Variants in WDR70 observed in about 807,000 individuals in gnomAD.
WDR70 encodes the protein WD repeat-containing protein 70.
A neutral mutation model predicts 88.6 loss-of-function variants in WDR70; 53 were observed. That is an observed-to-expected ratio of 0.60 (90% CI 0.48 to 0.75). WDR70 has a LOEUF of 0.75. Ranked by LOEUF, WDR70 falls within the 30% of genes least tolerant of loss-of-function variation. WDR70 has a pLI of 0.00. For synonymous variants in WDR70, 280 were observed against 270.0 expected, an observed-to-expected ratio of 1.04 and a Z score of -0.36; for missense variants, 610 against 823.2, an observed-to-expected ratio of 0.74 and a Z score of 3.17.
At chr5:37,602,767 A>G (rs555320349) in intron 9 of WDR70, among the ~76,000 whole-genome samples, 1 of 152,162 alleles carries the variant, frequency 6.6e-6, no homozygotes, top group East Asian at 1.9e-4. Context: ...TCACAAGGTC[A>G]GGAGTTTGAG....
chr5:37,623,345 G>T (rs1408986979), intron 10 of WDR70, among the ~76,000 whole-genome samples: 1 of 152,008 alleles, frequency 6.6e-6, no homozygotes. Context: ...ATTGGTGATT[G>T]CAGTTTTCAT....
chr5:37,402,706 G>A lies in WDR70; in HGVS notation c.492+6136G>A, dbSNP rs1749233361. On this transcript the variant is annotated intron_variant, in intron 5 of 17. Coordinates refer to ENST00000265107, the MANE Select transcript of WDR70 (RefSeq NM_018034.4). ...ATATACAATAAGATTATTGTTAACT[G>A]TGGTCACCCTACTGATGTTTTGAAT... Among the ~76,000 whole-genome samples the A allele has an allele frequency of 2.0e-5, 3 of 152,054 alleles. No individual in the cohort carries two copies. The South Asian group carries it at 6.2e-4, about 32-fold the overall frequency.
chr5:37,429,248 G>A (rs1184427460), intron 5 of WDR70, among the ~76,000 whole-genome samples: 1 of 152,100 alleles, frequency 6.6e-6, no homozygotes, highest in African/African-American at 2.4e-5. Flanking sequence ...TAAATATTTT[G>A]GATAGAAGTA....
chr5:37,673,549 C>G (rs1026174951), intron 10 of WDR70, among the ~76,000 whole-genome samples: 1 of 149,522 alleles, frequency 6.7e-6, no homozygotes, highest in Non-Finnish European at 1.5e-5. Flanking sequence ...TTCTCTGCAA[C>G]TTCATGAGCG....
chr5:37,529,355 C>T (rs1741410300), intron 9 of WDR70, among the ~76,000 whole-genome samples: 1 of 151,854 alleles, frequency 6.6e-6, no homozygotes, highest in Non-Finnish European at 1.5e-5. Context: ...TAGTTCTGTG[C>T]AGAATCATGT....
intron 6 of WDR70, among the ~76,000 whole-genome samples, chr5:37,439,466 A>G (rs1350851305): frequency 6.6e-6 from 1 of 152,154 alleles, no homozygotes; most frequent in Non-Finnish European, 1.5e-5. Context: ...GAATTTTACA[A>G]CTGAGAGATG....
At chr5:37,429,458 T>G (rs979696350) in intron 5 of WDR70, among the ~76,000 whole-genome samples, 2 of 152,114 alleles carry the variant, frequency 1.3e-5, no homozygotes, top group African/African-American at 4.8e-5. Context: ...TACTTTCTCA[T>G]TGTTTTATAG....
At chr5:37,499,613 C>CTCTCTG (rs1740342661) in intron 8 of WDR70, among the ~76,000 whole-genome samples, 1 of 149,270 alleles carries the variant, frequency 6.7e-6, no homozygotes, top group South Asian at 2.1e-4. Context: ...CTCTCTCTCT[C>CTCTCTG]TCTCTCTCTC....
rs535655926 is a variant in WDR70, at chr5:37,410,764, T to G, written c.492+14194T>G. On this transcript the variant is annotated intron_variant, in intron 5 of 17. Transcript: ENST00000265107. ...GTGACATTCAAATGTGTTTTTTCTT[T>G]ATGACACATAGCCCTTAGTTTCTAT... Among the ~76,000 whole-genome samples, 5 of 152,352 alleles carry G rather than the reference T, an allele frequency of 3.3e-5. No homozygotes were observed. The South Asian group carries it at 6.2e-4, about 19-fold the overall frequency.
chr5:37,612,438 T>G (rs1341028958), intron 10 of WDR70, among the ~76,000 whole-genome samples: 2 of 152,170 alleles, frequency 1.3e-5, no homozygotes, highest in Non-Finnish European at 2.9e-5. Flanking sequence ...TCTCATTTTC[T>G]TTATTTACAA....
chr5:37,493,838 T>TC (rs1740139181), intron 8 of WDR70, among the ~76,000 whole-genome samples: 1 of 151,890 alleles, frequency 6.6e-6, no homozygotes, highest in East Asian at 1.9e-4. Context: ...ATACTTTTTT[T>TC]TTTTTTTTTT....
At chr5:37,488,077 CTTT>C (rs34361001) in intron 8 of WDR70, among the ~76,000 whole-genome samples, 1 of 126,354 alleles carries the variant, frequency 7.9e-6, no homozygotes, top group African/African-American at 3.1e-5. Flanking sequence ...TCTTGGGTGG[CTTT>C]TTTTTTTTTT....
At chr5:37,497,222 C>T (rs1442377655) in intron 8 of WDR70, among the ~76,000 whole-genome samples, 1 of 146,268 alleles carries the variant, frequency 6.8e-6, no homozygotes, top group Non-Finnish European at 1.5e-5. Flanking sequence ...CCATCCTCCT[C>T]CGTCCTCCCT....
intron 5 of WDR70, among the ~76,000 whole-genome samples, chr5:37,402,810 C>A (rs1581251951): frequency 6.6e-6 from 1 of 152,166 alleles, no homozygotes; most frequent in East Asian, 1.9e-4. Context: ...AGCCCCCGAA[C>A]CTTCCCAGCC....
chr5:37,671,590 G>A (rs1746026847), intron 10 of WDR70, among the ~76,000 whole-genome samples: 1 of 152,096 alleles, frequency 6.6e-6, no homozygotes, highest in Non-Finnish European at 1.5e-5. Flanking sequence ...TCTATTTTCA[G>A]ACAGTAATTC....
chr5:37,594,165 A>G (rs1444994708), intron 9 of WDR70, among the ~76,000 whole-genome samples: 1 of 151,944 alleles, frequency 6.6e-6, no homozygotes, highest in Non-Finnish European at 1.5e-5. Flanking sequence ...CCATTTGTCA[A>G]TTTTGCCTTT....
intron 7 of WDR70, among the ~76,000 whole-genome samples, chr5:37,451,657 G>A (rs1439942571): frequency 6.6e-6 from 1 of 152,032 alleles, no homozygotes; most frequent in Non-Finnish European, 1.5e-5. Flanking sequence ...AAACAGGAAT[G>A]CTACTACCAA....
chr5:37,497,387 C>T (rs1462707713), intron 8 of WDR70, among the ~76,000 whole-genome samples: 1 of 135,024 alleles, frequency 7.4e-6, no homozygotes, highest in African/African-American at 2.8e-5. Context: ...CTTCCCTCCC[C>T]TTCCCTCCCT....
rs147004539 is a variant in WDR70, at chr5:37,515,379, A to G, written c.841-1135A>G. On this transcript the variant is annotated intron_variant, in intron 8 of 17. Coordinates refer to ENST00000265107, the MANE Select transcript of WDR70 (RefSeq NM_018034.4). ...ACCTGTTGTGTTCGAGATGCCTATGATATGCAGATAGAAATGTCAAGTAGA... is the reference window on the plus strand; with the variant it reads ...ACCTGTTGTGTTCGAGATGCCTATGGTATGCAGATAGAAATGTCAAGTAGA... Among the ~76,000 whole-genome samples the G allele has an allele frequency of 9.6e-4, 147 of 152,382 alleles. 1 individual carries two copies. The highest frequency in any genetic ancestry group is 3.3e-3 in the African/African-American group (138 of 41,596).
Sources: allele counts gnomAD v4.1 joint callset (sites outside exome capture counted in the v4.1 genomes callset), GRCh38; gene constraint gnomAD v4.1.1; transcripts MANE v1.5; gene names NCBI Gene and HGNC (gene_info 2026-07-23, HGNC 2026-07-21).